Variants in CTSO observed in about 807,000 individuals in gnomAD.
The protein encoded by CTSO is cathepsin O.
CTSO carries 40 observed loss-of-function variants against 42.4 expected under a neutral mutation model. That is an observed-to-expected ratio of 0.94 (90% CI 0.73 to 1.23). CTSO has a LOEUF of 1.23. Ranked by LOEUF, CTSO falls within the 50% of genes most tolerant of loss-of-function variation. CTSO has a pLI of 0.00. For missense variants in CTSO, 441 were observed against 396.0 expected, an observed-to-expected ratio of 1.11 and a Z score of -0.96; for synonymous variants, 156 against 146.2, an observed-to-expected ratio of 1.07 and a Z score of -0.48.
rs74639819 is a variant in CTSO, at chr4:155,926,070, C to T, written c.932G>A (p.Gly311Asp). ...TATAGAAGAAACGGAATCTGCAATA[C>T]CTAAGGGAAAAAAAAGGAATTATTA... Reference protein sequence around the residue: ...AHVKMGSNVCGIADSVSSIFV With the variant: ...AHVKMGSNVCDIADSVSSIFV The change falls in exon 8 of 8, where the codon GGT becomes GAT. Residue 311 changes from glycine (G) to aspartate (D), a missense_variant and splice_region_variant. Gly to Asp is a moderately conservative substitution (Grantham distance 94). Transcript: ENST00000433477. 117 of 1,498,200 alleles carry T rather than the reference C, an allele frequency of 7.8e-5. 1 individual carries two copies. The East Asian group carries it at 2.6e-3, about 33-fold the overall frequency. 92.8% of individuals were successfully genotyped at this position (1,498,200 alleles called of 1,614,324 possible). A position where few individuals can be genotyped will look rare whatever the true frequency, so the allele number is the denominator to read the frequency against.
intron 1 of CTSO, among the ~76,000 whole-genome samples, chr4:155,952,726 CG>C (rs1434552550): frequency 6.6e-6 from 1 of 152,022 alleles, no homozygotes; most frequent in Non-Finnish European, 1.5e-5. Context: ...CCAGGAGAGT[CG>C]GGGGAAAAGA....
intron 5 of CTSO, among the ~76,000 whole-genome samples, chr4:155,932,176 A>T (rs914649515): frequency 4.6e-5 from 7 of 152,172 alleles, no homozygotes; most frequent in African/African-American, 1.7e-4. Flanking sequence ...CTTTAAAATT[A>T]GGTTATGTTT....
chr4:155,932,443 G>C (rs1159110311), intron 5 of CTSO, among the ~76,000 whole-genome samples: 3 of 152,134 alleles, frequency 2.0e-5, no homozygotes, highest in African/African-American at 7.2e-5. Flanking sequence ...CAGGTCTTGT[G>C]CCCAGTTATA....
At chr4:155,931,643 A>G (rs978286801) in intron 5 of CTSO, among the ~76,000 whole-genome samples, 3 of 152,092 alleles carry the variant, frequency 2.0e-5, no homozygotes, top group African/African-American at 7.2e-5. Context: ...TTTAATTTCC[A>G]TTATTAACCC....
At chr4:155,937,059 T>C (rs1042693559) in intron 5 of CTSO, among the ~76,000 whole-genome samples, 2 of 152,012 alleles carry the variant, frequency 1.3e-5, no homozygotes, top group African/African-American at 4.8e-5. Context: ...ATATAAATTA[T>C]GCACTAATAA....
rs532901288 is a variant in CTSO at position 155,928,533 on chromosome 4, GAGA to G, written c.839-108_839-106del. ...GATTCTTGCTAAGGATAGTAGCTCT[GAGA>G]AGAAGATTAAAAATGTAATTTAATG... On this transcript the variant is annotated intron_variant, in intron 6 of 7. Coordinates refer to ENST00000433477, the MANE Select transcript of CTSO (RefSeq NM_001334.3). 3.7e-4 allele frequency: 271 copies of G among 733,504 alleles called. 1 individual carries two copies. In the African/African-American group the frequency reaches 4.3e-3, roughly 12 times the overall value. The allele number at this position is 733,504 out of a possible 1,614,324, so 45.4% of individuals were successfully genotyped here.
chr4:155,931,321 G>A (rs932315323), intron 5 of CTSO, among the ~76,000 whole-genome samples: 1 of 152,122 alleles, frequency 6.6e-6, no homozygotes, highest in Non-Finnish European at 1.5e-5. Flanking sequence ...ATTACTGGAA[G>A]TTCATCTCAT....
chr4:155,926,997 T>A (rs370547764), intron 7 of CTSO, among the ~76,000 whole-genome samples: 14 of 152,246 alleles, frequency 9.2e-5, no homozygotes, highest in African/African-American at 3.4e-4. Flanking sequence ...CAGTCATTTA[T>A]CTGCAAGTTC....
intron 3 of CTSO, 37 bp downstream of exon 3, chr4:155,942,280 C>A: frequency 1.3e-6 from 2 of 1,521,336 alleles, no homozygotes. Flanking sequence ...CCTTTCAATG[C>A]TTAGATGATT....
intron 1 of CTSO, among the ~76,000 whole-genome samples, chr4:155,943,709 A>G (rs1263722925): frequency 6.6e-6 from 1 of 152,218 alleles, no homozygotes; most frequent in Non-Finnish European, 1.5e-5. Context: ...ATGAAGCATG[A>G]AAAACAGACT....
intron 1 of CTSO, among the ~76,000 whole-genome samples, chr4:155,947,277 G>C (rs1743565023): frequency 6.6e-6 from 1 of 152,176 alleles, no homozygotes; most frequent in Non-Finnish European, 1.5e-5. Context: ...TGATCTGGAA[G>C]AATGTAAGGA....
At chr4:155,928,266 T>G in intron 7 of CTSO, 70 bp downstream of exon 7, 1 of 1,151,914 alleles carries the variant, frequency 8.7e-7, no homozygotes, top group Admixed American at 2.1e-5. Flanking sequence ...GAGTAGATTG[T>G]AACTCTAAAA....
In CTSO at chr4:155,926,077, G is replaced by GA. The variant is rs111424487; in HGVS notation, c.932-8dup. The GA allele has an allele frequency of 1.9e-5, 28 of 1,477,868 alleles. No individual in the cohort carries two copies. The highest frequency in any genetic ancestry group is 2.3e-5 in the Non-Finnish European group (25 of 1,102,264). The allele number at this position is 1,477,868 out of a possible 1,614,324, so 91.5% of individuals were successfully genotyped here. ...GAAACGGAATCTGCAATACCTAAGG[G>GA]AAAAAAAAGGAATTATTAGTCTATT... On this transcript the variant is annotated splice_region_variant and splice_polypyrimidine_tract_variant and intron_variant, in intron 7 of 7. Coordinates refer to ENST00000433477, the MANE Select transcript of CTSO (RefSeq NM_001334.3).
chr4:155,950,735 C>T (rs1224162880), intron 1 of CTSO, among the ~76,000 whole-genome samples: 1 of 151,888 alleles, frequency 6.6e-6, no homozygotes, highest in Admixed American at 6.6e-5. Flanking sequence ...AGCACAAACC[C>T]TACTGGGAAC....
At chr4:155,950,150 A>G (rs992706738) in intron 1 of CTSO, among the ~76,000 whole-genome samples, 1 of 152,230 alleles carries the variant, frequency 6.6e-6, no homozygotes, top group Admixed American at 6.5e-5. Flanking sequence ...GATTTGTGTG[A>G]GCATGTACAC....
rs749245476 is a variant in CTSO, at chr4:155,943,248, T to C, written c.152A>G (p.His51Arg). 10 of 1,606,646 alleles carry C rather than the reference T, an allele frequency of 6.2e-6. No homozygotes were observed. The highest frequency in any genetic ancestry group is 1.1e-5 in the South Asian group (1 of 90,852). Reference sequence around the variant, plus strand: ...GGGAAATAAAGAATTCAAGTATCGATGTCTATTAAGACTTTCCTAGAAGAA... The same window carrying C: ...GGGAAATAAAGAATTCAAGTATCGACGTCTATTAAGACTTTCCTAGAAGAA... The part of the protein sequence containing the change: ...AAAFRESLNR[H>R]RYLNSLFPSE... Residue 51 changes from histidine (H) to arginine (R), a missense_variant, in exon 2 of 8, where the codon CAT becomes CGT. Transcript: ENST00000433477.
intron 5 of CTSO, among the ~76,000 whole-genome samples, chr4:155,936,892 T>C (rs1743340638): frequency 6.6e-6 from 1 of 152,166 alleles, no homozygotes; most frequent in Non-Finnish European, 1.5e-5. Context: ...GCAAAGAACA[T>C]AGAAGGTGTT....
intron 4 of CTSO, 131 bp downstream of exon 4, chr4:155,939,240 G>C: frequency 1.4e-6 from 1 of 721,034 alleles, no homozygotes; most frequent in East Asian, 2.7e-5. Flanking sequence ...ATTACTTCAT[G>C]CTTTGATCAT....
intron 1 of CTSO, among the ~76,000 whole-genome samples, chr4:155,949,756 T>C (rs1743613072): frequency 1.3e-5 from 2 of 152,214 alleles, no homozygotes; most frequent in Non-Finnish European, 2.9e-5. Flanking sequence ...ACTGAGAATT[T>C]CTTGGAAGAC....
Sources: gnomAD v4.1 joint callset for allele counts (sites outside exome capture counted in the v4.1 genomes callset) on GRCh38, gnomAD v4.1.1 for gene constraint, MANE v1.5 for transcripts, NCBI Gene and HGNC (gene_info 2026-07-23, HGNC 2026-07-21) for gene names.